Variants in PPP1R13B observed in about 807,000 individuals in gnomAD.
PPP1R13B encodes protein phosphatase 1 regulatory subunit 13B, also known as apoptosis-stimulating of p53 protein 1.
In PPP1R13B, 44 loss-of-function variants were observed where a neutral mutation model predicts 119.8. The observed-to-expected ratio is 0.37, with a 90% CI of 0.29 to 0.47. PPP1R13B has a LOEUF of 0.47. Ranked by LOEUF, PPP1R13B falls within the 20% of genes least tolerant of loss-of-function variation. PPP1R13B has a pLI of 0.99. For synonymous variants in PPP1R13B, 542 were observed against 561.5 expected, an observed-to-expected ratio of 0.97 and a Z score of 0.49; for missense variants, 1,227 against 1,413.5, an observed-to-expected ratio of 0.87 and a Z score of 2.12.
intron 2 of PPP1R13B, among the ~76,000 whole-genome samples, chr14:103,787,319 C>T (rs1428165313): frequency 2.0e-5 from 3 of 151,798 alleles, no homozygotes; most frequent in Non-Finnish European, 2.9e-5. Flanking sequence ...CATGGTGGCG[C>T]ATGCCTGTGG....
intron 1 of PPP1R13B, among the ~76,000 whole-genome samples, chr14:103,811,220 A>G (rs957992495): frequency 6.6e-6 from 1 of 152,094 alleles, no homozygotes; most frequent in African/African-American, 2.4e-5. Context: ...ACCACAGACT[A>G]TGACCTCTTA....
In PPP1R13B at chr14:103,735,139, G is replaced by A. The variant is rs771481200; in HGVS notation, c.*15C>T. The stretch of plus-strand genomic sequence containing the variant: ...CTGGTAGCTGGCAAGACCATGCGGT[G>A]CTCCAAAAGGAAGTTCAGGCGAGTG... On this transcript the variant is annotated 3_prime_UTR_variant, in exon 17 of 17. Coordinates refer to ENST00000202556, the MANE Select transcript of PPP1R13B (RefSeq NM_015316.3). 6.8e-6 allele frequency: 11 copies of A among 1,614,082 alleles called. No homozygotes were observed. Among genetic ancestry groups the A allele is most frequent in the Middle Eastern group, 3.3e-4 (2 of 6,062 alleles).
intron 1 of PPP1R13B, chr14:103,818,647 AG>A (rs1275329297): frequency 4.3e-6 from 1 of 235,182 alleles, no homozygotes; most frequent in African/African-American, 2.3e-5. Context: ...GCAAGTTCCC[AG>A]GGGTCACGCT....
At chr14:103,780,223 T>C (rs1299446907) in intron 3 of PPP1R13B, among the ~76,000 whole-genome samples, 1 of 151,080 alleles carries the variant, frequency 6.6e-6, no homozygotes, top group Non-Finnish European at 1.5e-5. Flanking sequence ...TGGTGGCTCA[T>C]GCCTGCAATC....
At chr14:103,768,951 A>T (rs1352839711) in intron 4 of PPP1R13B, among the ~76,000 whole-genome samples, 1 of 152,248 alleles carries the variant, frequency 6.6e-6, no homozygotes, top group Admixed American at 6.5e-5. Flanking sequence ...AATAGAAAAA[A>T]ATTAGACCAA....
At chr14:103,789,199 G>A (rs1311700763) in intron 2 of PPP1R13B, among the ~76,000 whole-genome samples, 1 of 152,098 alleles carries the variant, frequency 6.6e-6, no homozygotes, top group Admixed American at 6.6e-5. Context: ...GGTTAAAAGT[G>A]AACTGTACTG....
In PPP1R13B at chr14:103,765,933, GT is replaced by G. The variant is rs2084926213; in HGVS notation, c.355-8183del. On this transcript the variant is annotated intron_variant, in intron 4 of 16. Coordinates refer to ENST00000202556, the MANE Select transcript of PPP1R13B (RefSeq NM_015316.3). ...ATATCAGACATTTACATATACCCAA[GT>G]TTACAGTTGTCTTAGATGATGCTTA... 2.0e-5 allele frequency among the ~76,000 whole-genome samples: 3 copies of G among 151,516 alleles called. No homozygotes were observed. The South Asian group carries it at 6.2e-4, about 32-fold the overall frequency.
chr14:103,805,225 C>T (rs1040195072), intron 1 of PPP1R13B, among the ~76,000 whole-genome samples: 6 of 152,118 alleles, frequency 3.9e-5, no homozygotes, highest in East Asian at 1.9e-4. Context: ...TATATGTCCA[C>T]GCAAAGTCTT....
chr14:103,741,669 T>G (rs1458632241), intron 11 of PPP1R13B, 121 bp downstream of exon 11: 3 of 1,286,550 alleles, frequency 2.3e-6, no homozygotes, highest in East Asian at 2.4e-5. Context: ...TACTTTTATG[T>G]AAGAATTAAG....
chr14:103,786,927 C>T (rs58149799), intron 2 of PPP1R13B, among the ~76,000 whole-genome samples: 2 of 150,494 alleles, frequency 1.3e-5, no homozygotes. Flanking sequence ...AGGTTGGTCT[C>T]GAACTCCCGA....
intron 4 of PPP1R13B, among the ~76,000 whole-genome samples, chr14:103,767,055 C>A (rs904585360): frequency 6.6e-6 from 1 of 152,182 alleles, no homozygotes; most frequent in Non-Finnish European, 1.5e-5. Flanking sequence ...GACCTAATGT[C>A]ACCTGCCCAA....
At position 103,754,238 on chromosome 14, in the gene PPP1R13B, G is replaced by T; in HGVS notation, c.463C>A (p.Arg155Ser). ...TCCTGTTGCTTTAGAAAATGTAAACGCTGTTCCTAACAAAAGAAAGAAAAA... is the reference window on the plus strand; with the variant it reads ...TCCTGTTGCTTTAGAAAATGTAAACTCTGTTCCTAACAAAAGAAAGAAAAA... ...QQQMLVAKEQ[R>S]LHFLKQQERR... Residue 155 changes from arginine to serine, a missense_variant, in exon 6 of 17, where the codon CGT becomes AGT. Physicochemically the swap from Arg to Ser is moderately radical, Grantham distance 110. Coordinates refer to ENST00000202556, the MANE Select transcript of PPP1R13B (RefSeq NM_015316.3). The T allele has an allele frequency of 1.9e-6, 3 of 1,606,986 alleles. No individual in the cohort carries two copies. Among genetic ancestry groups the T allele is most frequent in the Non-Finnish European group, 2.5e-6 (3 of 1,177,492 alleles).
At chr14:103,745,359 C>T (rs1439786379) in intron 9 of PPP1R13B, among the ~76,000 whole-genome samples, 4 of 152,226 alleles carry the variant, frequency 2.6e-5, no homozygotes, top group African/African-American at 9.6e-5. Flanking sequence ...AAACACAGGC[C>T]TGATGGCCAG....
chr14:103,848,500 G>A (rs2087127993), upstream of PPP1R13B: 1 of 985,290 alleles, frequency 1.0e-6, no homozygotes, highest in African/African-American at 1.7e-5. Context: ...CATTCGCCCG[G>A]ACCGCGGCGG....
At chr14:103,833,267 C>T (rs1195510198) in intron 1 of PPP1R13B, among the ~76,000 whole-genome samples, 1 of 152,236 alleles carries the variant, frequency 6.6e-6, no homozygotes, top group Non-Finnish European at 1.5e-5. Flanking sequence ...TCATCCCCTT[C>T]CTCTTACCTC....
chr14:103,740,073 G>T lies in PPP1R13B; in HGVS notation c.2343C>A (p.Leu781=). ...CTGATGACGGGGCAGGCTCAGCGGG[G>T]AGTGGGGCTGTGGGCTGGGCAGGGG... is the stretch of plus-strand genomic sequence containing the variant. ...ELPPAQPTAP[L]PAEPAPSSDA... Residue 781 remains leucine, a synonymous_variant, in exon 12 of 17, where the codon CTC becomes CTA. Transcript: ENST00000202556. This position sits in a 1 kb window ranked among gnomAD's most constrained non-coding sequence, Gnocchi z 4.6. 1 of 1,614,022 alleles carries T rather than the reference G, an allele frequency of 6.2e-7. No individual in the cohort carries two copies. Among genetic ancestry groups the T allele is most frequent in the Non-Finnish European group, 8.5e-7 (1 of 1,180,022 alleles).
rs763259132 is a variant in PPP1R13B, at chr14:103,736,229, C to T, written c.3032-27G>A. 3.7e-6 allele frequency: 6 copies of T among 1,605,334 alleles called. No homozygotes were observed. The African/African-American group carries it at 5.3e-5, about 14-fold the overall frequency. On this transcript the variant is annotated intron_variant, in intron 15 of 16. Transcript: ENST00000202556. ...TGGAGCCAGAGAGCAATGGTCAGGC[C>T]TCAGCAGAGGGTGGCCTGCAGCAAG...
At chr14:103,817,085 G>A (rs903577793) in intron 1 of PPP1R13B, among the ~76,000 whole-genome samples, 1 of 152,144 alleles carries the variant, frequency 6.6e-6, no homozygotes, top group Non-Finnish European at 1.5e-5. Flanking sequence ...TTAAGCAAAA[G>A]CGAAGTGTGG....
intron 8 of PPP1R13B, among the ~76,000 whole-genome samples, chr14:103,748,966 C>T (rs1336362833): frequency 6.6e-6 from 1 of 152,144 alleles, no homozygotes; most frequent in Non-Finnish European, 1.5e-5. Flanking sequence ...ACCTTTGTGT[C>T]TTTATTAGGG....
Sources: gnomAD v4.1 joint callset for allele counts (sites outside exome capture counted in the v4.1 genomes callset) on GRCh38, gnomAD v4.1.1 for gene constraint, Gnocchi (gnomAD v3.1) non-coding constraint, MANE v1.5 for transcripts, NCBI Gene and HGNC (gene_info 2026-07-23, HGNC 2026-07-21) for gene names.